The following PTPRN2 variants were observed in gnomAD, a reference collection of about 807,000 sequenced individuals.
PTPRN2 encodes the protein receptor-type tyrosine-protein phosphatase N2.
PTPRN2 carries 74 observed loss-of-function variants against 118.8 expected under a neutral mutation model. The observed-to-expected ratio is 0.62, with a 90% CI of 0.52 to 0.76. PTPRN2 has a LOEUF of 0.76. Ranked by LOEUF, PTPRN2 falls within the 30% of genes least tolerant of loss-of-function variation. The pLI, the probability that PTPRN2 is intolerant of heterozygous loss-of-function variation, is 0.00. For synonymous variants in PTPRN2, 641 were observed against 608.0 expected (o/e 1.05, Z -0.80); for missense variants, 1,481 against 1,394.4 (o/e 1.06, Z -0.99).
chr7:158,587,736 C>T lies in PTPRN2; in HGVS notation c.-67G>A, dbSNP rs1026741842. Reference sequence around the variant, plus strand: ...GGAGGCGGCGGGAGGCGGCCGAGTCCGGGCCCAGGGAGGCGCGCGCCGCCG... The same window carrying T: ...GGAGGCGGCGGGAGGCGGCCGAGTCTGGGCCCAGGGAGGCGCGCGCCGCCG... On this transcript the variant is annotated 5_prime_UTR_variant, in exon 1 of 23. Coordinates refer to ENST00000389418, the MANE Select transcript of PTPRN2 (RefSeq NM_002847.5). 4 of 1,113,584 alleles carry T rather than the reference C, an allele frequency of 3.6e-6. No individual in the cohort carries two copies. Among genetic ancestry groups the T allele is most frequent in the Non-Finnish European group, 2.2e-6 (2 of 914,180 alleles). 69.0% of individuals were successfully genotyped at this position (1,113,584 alleles called of 1,614,324 possible).
chr7:158,337,383 T>A (rs1805839770), intron 2 of PTPRN2, among the ~76,000 whole-genome samples: 1 of 104,760 alleles, frequency 9.5e-6, no homozygotes, highest in Admixed American at 9.5e-5. Context: ...ACTCTCACCA[T>A]AAGAGGTAAC....
At chr7:158,419,872 C>T (rs1815106166) in intron 2 of PTPRN2, among the ~76,000 whole-genome samples, 1 of 152,182 alleles carries the variant, frequency 6.6e-6, no homozygotes, top group Admixed American at 6.5e-5. Flanking sequence ...AAAGCCCACT[C>T]CTGAAGGAAA....
At chr7:157,759,575 A>C (rs1397085499) in intron 12 of PTPRN2, among the ~76,000 whole-genome samples, 1 of 152,192 alleles carries the variant, frequency 6.6e-6, no homozygotes, top group Non-Finnish European at 1.5e-5. Flanking sequence ...GCCTCCTTCA[A>C]ATGGAAGACG....
intron 11 of PTPRN2, among the ~76,000 whole-genome samples, chr7:157,970,625 G>A (rs974386067): frequency 5.9e-4 from 81 of 136,380 alleles, no homozygotes; most frequent in African/African-American, 2.1e-3. Context: ...TCATTGTCAC[G>A]CTCAGAGCGG....
intron 21 of PTPRN2, among the ~76,000 whole-genome samples, chr7:157,566,473 G>C (rs1331741518): frequency 6.6e-6 from 1 of 152,212 alleles, no homozygotes; most frequent in Non-Finnish European, 1.5e-5. Context: ...AGCCGGCAGA[G>C]GGGCTGCCTG....
chr7:158,119,918 T>C (rs1356502281), intron 9 of PTPRN2, among the ~76,000 whole-genome samples: 3 of 152,126 alleles, frequency 2.0e-5, no homozygotes, highest in Non-Finnish European at 4.4e-5. Context: ...CACAGCCGCA[T>C]TATTCTCAAT....
intron 2 of PTPRN2, among the ~76,000 whole-genome samples, chr7:158,394,327 G>A (rs1242021094): frequency 6.6e-6 from 1 of 152,146 alleles, no homozygotes; most frequent in Non-Finnish European, 1.5e-5. Flanking sequence ...ATTTTTCTTG[G>A]CACAAAAATC....
intron 11 of PTPRN2, among the ~76,000 whole-genome samples, chr7:158,076,838 T>A (rs1292492057): frequency 6.6e-6 from 1 of 151,994 alleles, no homozygotes; most frequent in Non-Finnish European, 1.5e-5. Flanking sequence ...GCACCGGGGT[T>A]GGGGGGAGCT....
rs117183543 is a variant in PTPRN2, at chr7:158,476,523, C to T, written c.163+13212G>A. On this transcript the variant is annotated intron_variant, in intron 2 of 22. Transcript: ENST00000389418. The stretch of plus-strand genomic sequence containing the variant: ...CGCACGAAGGATCAGCCTGTGTCTC[C>T]GTGAAAATTCACAGCACAGACGCCG... Among the ~76,000 whole-genome samples, 91 of 152,348 alleles carry T rather than the reference C, an allele frequency of 6.0e-4. 6 individuals carry two copies. In the East Asian group the frequency reaches 0.017, roughly 29 times the overall value.
intron 5 of PTPRN2, among the ~76,000 whole-genome samples, chr7:158,178,992 A>G (rs1563565636): frequency 6.6e-6 from 1 of 152,178 alleles, no homozygotes; most frequent in Non-Finnish European, 1.5e-5. Context: ...CCTTTTTGAT[A>G]TATTGATTTC....
chr7:157,758,110 G>T (rs1227910868), intron 12 of PTPRN2, among the ~76,000 whole-genome samples: 8 of 152,262 alleles, frequency 5.3e-5, no homozygotes, highest in Admixed American at 4.6e-4. Context: ...CGGAGCGGGA[G>T]ATGCGGTCGC....
intron 2 of PTPRN2, among the ~76,000 whole-genome samples, chr7:158,376,924 T>A (rs1376264497): frequency 5.0e-4 from 12 of 24,142 alleles, no homozygotes; most frequent in African/African-American, 6.9e-4. Flanking sequence ...TCACACGTCC[T>A]GCACGCGGGG....
intron 2 of PTPRN2, among the ~76,000 whole-genome samples, chr7:158,378,108 C>G (rs2151335997): frequency 6.6e-6 from 1 of 152,350 alleles, no homozygotes; most frequent in African/African-American, 2.4e-5. Flanking sequence ...ACTCCTCCAG[C>G]TGTGCACTTA....
intron 11 of PTPRN2, among the ~76,000 whole-genome samples, chr7:157,965,922 C>T (rs184026772): frequency 5.3e-4 from 80 of 152,334 alleles, no homozygotes; most frequent in African/African-American, 6.7e-4. Context: ...AGCCACTGAA[C>T]GCCTCTGTGC....
intron 2 of PTPRN2, among the ~76,000 whole-genome samples, chr7:158,346,243 CA>C (rs1427081674): frequency 6.6e-6 from 1 of 152,206 alleles, no homozygotes; most frequent in Non-Finnish European, 1.5e-5. Context: ...CAATCGAACT[CA>C]AAAAATTGCC....
Position 157,646,934 on chromosome 7 carries a change from A to G in PTPRN2, c.2196+9423T>C, listed in dbSNP as rs35196906. Among the ~76,000 whole-genome samples the G allele has an allele frequency of 3.9e-3, 528 of 136,332 alleles. 7 individuals carry two copies. The highest frequency in any genetic ancestry group is 0.014 in the Admixed American group (192 of 13,676). The allele number at this position is 136,332 out of a possible 152,430, so 89.4% of individuals were successfully genotyped here. A position where few individuals can be genotyped will look rare whatever the true frequency, so the allele number is the denominator to read the frequency against. ...CAGTGTGCACTGAACTCGGTGGGTC[A>G]GACCCATCCAGGGTGCACTGAACTC... On this transcript the variant is annotated intron_variant, in intron 14 of 22. Transcript: ENST00000389418.
Position 158,205,147 on chromosome 7 carries a change from G to A in PTPRN2, c.380+24C>T, listed in dbSNP as rs780302621. 3.8e-6 allele frequency: 6 copies of A among 1,575,234 alleles called. 1 individual carries two copies. The South Asian group carries it at 6.6e-5, about 17-fold the overall frequency. On this transcript the variant is annotated intron_variant, in intron 4 of 22. Coordinates refer to ENST00000389418, the MANE Select transcript of PTPRN2 (RefSeq NM_002847.5). ...ATGGACTGTGTCCTGGGAGCAAGGA[G>A]CAACAAGCCACGTCCACACTTACCT...
chr7:158,292,987 G>A (rs915784885), intron 3 of PTPRN2, among the ~76,000 whole-genome samples: 8 of 151,914 alleles, frequency 5.3e-5, no homozygotes, highest in Non-Finnish European at 1.2e-4. Context: ...AGAATCACTT[G>A]AACCACGGAG....
intron 12 of PTPRN2, among the ~76,000 whole-genome samples, chr7:157,726,398 G>T (rs1799602709): frequency 6.6e-6 from 1 of 151,184 alleles, no homozygotes; most frequent in African/African-American, 2.4e-5. Flanking sequence ...AGTGTGGCCA[G>T]ACCCTCGCCT....
Sources: allele counts gnomAD v4.1 joint callset (sites outside exome capture counted in the v4.1 genomes callset), GRCh38; gene constraint gnomAD v4.1.1; transcripts MANE v1.5; gene names NCBI Gene and HGNC (gene_info 2026-07-23, HGNC 2026-07-21).